Variants in PSME4 observed in about 807,000 individuals in gnomAD.
PSME4 encodes the protein proteasome activator subunit 4.
Under a neutral mutation model 253.9 loss-of-function variants are expected in PSME4, and 89 were observed. The ratio of observed to expected loss-of-function variants is 0.35; its 90% CI spans 0.30 to 0.42. PSME4 has a LOEUF of 0.42. Among genes scored for constraint, PSME4 ranks in the 10% least tolerant of loss-of-function variants. The pLI, the probability that PSME4 is intolerant of heterozygous loss-of-function variation, is 1.00. For missense variants in PSME4, 2,014 were observed against 2,195.2 expected (o/e 0.92, Z 1.65); for synonymous variants, 851 against 759.2 (o/e 1.12, Z -1.99).
In PSME4 at chr2:53,895,702, A is replaced by T; in HGVS notation, c.3723T>A (p.Gly1241=). Residue 1241 remains glycine, a synonymous_variant, in exon 33 of 47, where the codon GGT becomes GGA. Coordinates refer to ENST00000404125, the MANE Select transcript of PSME4 (RefSeq NM_014614.3). ...GCAACCAATGATTATCAGGCCTATCACCAGCAATAATTTGGGTGGGTTTAG... is the reference window on the plus strand; with the variant it reads ...GCAACCAATGATTATCAGGCCTATCTCCAGCAATAATTTGGGTGGGTTTAG... ...GCPKPTQIIA[G]DRPDNHWLHY... The T allele has an allele frequency of 6.2e-7, 1 of 1,612,378 alleles. No homozygotes were observed.
Position 53,885,598 on chromosome 2 carries a change from A to C in PSME4, c.4815+92T>G, listed in dbSNP as rs562322682. Reference sequence around the variant, plus strand: ...TTTCAGAGATCCAATCAAAATTCACACTGTCTGAAGAACTTCAACCATCAG... The same window carrying C: ...TTTCAGAGATCCAATCAAAATTCACCCTGTCTGAAGAACTTCAACCATCAG... On this transcript the variant is annotated intron_variant, in intron 41 of 46. Transcript: ENST00000404125. 3.6e-6 allele frequency: 3 copies of C among 833,662 alleles called. No homozygotes were observed. In the South Asian group the frequency reaches 5.6e-5, roughly 15 times the overall value. The allele number at this position is 833,662 out of a possible 1,614,324, so 51.6% of individuals were successfully genotyped here. A position where few individuals can be genotyped will look rare whatever the true frequency, so the allele number is the denominator to read the frequency against.
chr2:53,937,472 A>C lies in PSME4; in HGVS notation c.614T>G (p.Val205Gly). The C allele has an allele frequency of 1.9e-6, 3 of 1,610,476 alleles. No individual in the cohort carries two copies. Among genetic ancestry groups the C allele is most frequent in the Non-Finnish European group, 2.5e-6 (3 of 1,177,202 alleles). Residue 205 changes from valine to glycine, a missense_variant, in exon 5 of 47, where the codon GTA (valine) becomes GGA (glycine). This residue lies in a region of PSME4 where 615 missense variants were observed against 594.4 expected (regional missense o/e 1.03). Transcript: ENST00000404125. Reference sequence around the variant, plus strand: ...ATAAGTGATGGCCTTTTGCATGGTTACATCAAAAGGGCACATTAAAGGTCG... The same window carrying C: ...ATAAGTGATGGCCTTTTGCATGGTTCCATCAAAAGGGCACATTAAAGGTCG... ...EWRPLMCPFD[V>G]TMQKAITYFE...
Position 53,908,438 on chromosome 2 carries a change from A to G in PSME4, c.2686-20T>C, listed in dbSNP as rs763364848. ...AATAATCTGTGTCAAAGAATTTCAA[A>G]TTGTATTTGCAAGTCATCAATCCAA... On this transcript the variant is annotated intron_variant, in intron 23 of 46. Transcript: ENST00000404125. 1 of 1,612,538 alleles carries G rather than the reference A, an allele frequency of 6.2e-7. No homozygotes were observed. Among genetic ancestry groups the G allele is most frequent in the Admixed American group, 1.7e-5 (1 of 59,878 alleles).
chr2:53,902,013 G>C (rs1394022077), intron 27 of PSME4, among the ~76,000 whole-genome samples: 1 of 152,200 alleles, frequency 6.6e-6, no homozygotes, highest in Non-Finnish European at 1.5e-5. Flanking sequence ...GCTACAATGA[G>C]CCATGCCTGT....
chr2:53,873,065 C>A (rs747885198), intron 43 of PSME4, among the ~76,000 whole-genome samples: 1 of 151,204 alleles, frequency 6.6e-6, no homozygotes, highest in African/African-American at 2.4e-5. Flanking sequence ...ATGGTGAAAC[C>A]CCGTCTCTAC....
At chr2:53,950,370 T>A (rs1206167576) in intron 1 of PSME4, among the ~76,000 whole-genome samples, 1 of 152,102 alleles carries the variant, frequency 6.6e-6, no homozygotes, top group Non-Finnish European at 1.5e-5. Context: ...AAAACACTGC[T>A]CTCTTATTGT....
chr2:53,927,807 C>A (rs1668632778), intron 11 of PSME4, among the ~76,000 whole-genome samples: 1 of 151,994 alleles, frequency 6.6e-6, no homozygotes, highest in African/African-American at 2.4e-5. Flanking sequence ...CCCAGCCAGG[C>A]ATGGTGGCGT....
chr2:53,970,513 G>T (rs934745676), intron 1 of PSME4, 30 bp downstream of exon 1: 1 of 1,547,556 alleles, frequency 6.5e-7, no homozygotes, highest in South Asian at 1.2e-5. Context: ...CTTTCCCCCC[G>T]GCCCGGCCCG....
intron 44 of PSME4, among the ~76,000 whole-genome samples, chr2:53,867,998 T>C (rs910187324): frequency 4.6e-5 from 7 of 152,176 alleles, no homozygotes; most frequent in African/African-American, 1.7e-4. Flanking sequence ...AATAAAGGTG[T>C]GTGTATTCAC....
At position 53,866,149 on chromosome 2, in the gene PSME4, G is replaced by C; in HGVS notation, c.5472C>G (p.Phe1824Leu). The C allele has an allele frequency of 6.2e-7, 1 of 1,613,222 alleles. No homozygotes were observed. Among genetic ancestry groups the C allele is most frequent in the Non-Finnish European group, 8.5e-7 (1 of 1,179,180 alleles). The change falls in exon 46 of 47, where the codon TTC becomes TTG. Residue 1824 changes from phenylalanine to leucine, a missense_variant. By Grantham distance (22) the Phe-to-Leu change is conservative. Transcript: ENST00000404125. ...TGAGAACAAGCAGTTGGTCATCAGTGAATTGCTGTTTATGTTCCTGCCAGT... is the reference window on the plus strand; with the variant it reads ...TGAGAACAAGCAGTTGGTCATCAGTCAATTGCTGTTTATGTTCCTGCCAGT... Reference protein sequence around the residue: ...HDNWQEHKQQFTDDQLLVLTD... With the variant: ...HDNWQEHKQQLTDDQLLVLTD...
intron 20 of PSME4, among the ~76,000 whole-genome samples, chr2:53,914,439 G>C (rs767699773): frequency 6.6e-5 from 10 of 152,144 alleles, no homozygotes; most frequent in Non-Finnish European, 1.3e-4. Flanking sequence ...CCTATTTTAA[G>C]ATTAATTCAA....
At chr2:53,945,596 T>A (rs939535494) in intron 3 of PSME4, among the ~76,000 whole-genome samples, 3 of 152,174 alleles carry the variant, frequency 2.0e-5, no homozygotes, top group African/African-American at 7.2e-5. Context: ...AAGTTGATAA[T>A]CTTTGCTTCA....
chr2:53,903,937 A>G (rs1330922384), intron 27 of PSME4, 88 bp downstream of exon 27: 1 of 1,058,386 alleles, frequency 9.4e-7, no homozygotes, highest in East Asian at 2.5e-5. Context: ...TCAGTGGTGA[A>G]GAAGATATGG....
Position 53,869,452 on chromosome 2 carries a change from C to A in PSME4, c.5187G>T (p.Glu1729Asp). The A allele has an allele frequency of 1.2e-6, 2 of 1,610,414 alleles. No individual in the cohort carries two copies. The highest frequency in any genetic ancestry group is 1.7e-6 in the Non-Finnish European group (2 of 1,177,450). ...TAGGTAGTTTTGTTTTGCAAAGTTGCTCAAAATGAATCTGCATAGGACTGT... is the reference window on the plus strand; with the variant it reads ...TAGGTAGTTTTGTTTTGCAAAGTTGATCAAAATGAATCTGCATAGGACTGT... The part of the protein sequence containing the change: ...TMDSPMQIHF[E>D]QLCKTKLPKK... Residue 1729 changes from glutamate to aspartate, a missense_variant, in exon 44 of 47, where the codon GAG becomes GAT. Transcript: ENST00000404125.
chr2:53,947,142 T>G (rs1213745568), intron 3 of PSME4, among the ~76,000 whole-genome samples: 1 of 152,210 alleles, frequency 6.6e-6, no homozygotes, highest in Admixed American at 6.5e-5. Context: ...AGGACCTAAG[T>G]TGAAGATCAT....
chr2:53,873,192 G>C (rs889480899), intron 43 of PSME4, among the ~76,000 whole-genome samples: 2 of 143,474 alleles, frequency 1.4e-5, no homozygotes, highest in Non-Finnish European at 3.0e-5. Context: ...AGTGAGCTGA[G>C]AGCGTGCCAC....
intron 32 of PSME4, 140 bp from the exon 33 acceptor site, chr2:53,895,876 G>C: frequency 1.4e-6 from 1 of 697,604 alleles, no homozygotes; most frequent in Non-Finnish European, 2.2e-6. Flanking sequence ...ACATATATAT[G>C]AGCAATTGGA....
intron 1 of PSME4, among the ~76,000 whole-genome samples, chr2:53,967,667 A>AAAAAAAAAAAAAAAC (rs1670806974): frequency 6.8e-6 from 1 of 147,530 alleles, no homozygotes; most frequent in Non-Finnish European, 1.5e-5. Flanking sequence ...AAAAAAAAAA[A>AAAAAAAAAAAAAAAC]AAAAAAAAAA....
intron 30 of PSME4, 55 bp from the exon 31 acceptor site, chr2:53,898,054 A>G: frequency 1.9e-6 from 3 of 1,553,518 alleles, no homozygotes; most frequent in Non-Finnish European, 2.6e-6. Context: ...CTTGGAAAAA[A>G]AAAACTGTAT....
Sources: allele counts gnomAD v4.1 joint callset (sites outside exome capture counted in the v4.1 genomes callset), GRCh38; gene constraint gnomAD v4.1.1; regional missense constraint gnomAD v4.1.1; transcripts MANE v1.5; gene names NCBI Gene and HGNC (gene_info 2026-07-23, HGNC 2026-07-21).